Variants in SLC10A7 observed in about 807,000 individuals in gnomAD.
SLC10A7 encodes solute carrier family 10 member 7, also known as sodium/bile acid cotransporter 7.
SLC10A7 carries 29 observed loss-of-function variants against 43.2 expected under a neutral mutation model. That is an observed-to-expected ratio of 0.67 (90% CI 0.50 to 0.92). SLC10A7 has a LOEUF of 0.92. Ranked by LOEUF, SLC10A7 falls within the 40% of genes least tolerant of loss-of-function variation. The pLI is 0.00. For synonymous variants in SLC10A7, 152 were observed against 144.8 expected, an observed-to-expected ratio of 1.05 and a Z score of -0.35; for missense variants, 295 against 403.2, an observed-to-expected ratio of 0.73 and a Z score of 2.30.
intron 4 of SLC10A7, among the ~76,000 whole-genome samples, chr4:146,463,634 G>C (rs1045871438): frequency 6.6e-6 from 1 of 151,862 alleles, no homozygotes; most frequent in African/African-American, 2.4e-5. Flanking sequence ...CCAGCTACTT[G>C]GGAGGCTGAG....
intron 4 of SLC10A7, among the ~76,000 whole-genome samples, chr4:146,475,314 T>C (rs1733928724): frequency 6.6e-6 from 1 of 152,176 alleles, no homozygotes; most frequent in South Asian, 2.1e-4. Context: ...CATTTTGTAT[T>C]TAATCATGTA....
chr4:146,268,940 GA>G (rs1728732103), intron 10 of SLC10A7, among the ~76,000 whole-genome samples: 2 of 152,164 alleles, frequency 1.3e-5, no homozygotes, highest in South Asian at 2.1e-4. Flanking sequence ...CCGTTACACA[GA>G]AAAGTCTGAA....
At chr4:146,472,817 G>C (rs2149967695) in intron 4 of SLC10A7, among the ~76,000 whole-genome samples, 1 of 152,232 alleles carries the variant, frequency 6.6e-6, no homozygotes. Flanking sequence ...TTTATGATTT[G>C]AATCTACATT....
intron 5 of SLC10A7, 101 bp downstream of exon 5, chr4:146,442,682 C>T (rs1300959089): frequency 6.5e-7 from 1 of 1,535,476 alleles, no homozygotes; most frequent in Non-Finnish European, 8.7e-7. Context: ...AATTTTTATA[C>T]TTAACCAAAG....
At chr4:146,380,923 T>A (rs2149791292) in intron 5 of SLC10A7, among the ~76,000 whole-genome samples, 1 of 152,306 alleles carries the variant, frequency 6.6e-6, no homozygotes. Context: ...CCTAAGCATT[T>A]ATTATAAATT....
chr4:146,349,534 G>T (rs1290429799), intron 5 of SLC10A7, among the ~76,000 whole-genome samples: 1 of 152,102 alleles, frequency 6.6e-6, no homozygotes, highest in South Asian at 2.1e-4. Flanking sequence ...AAAATAAATT[G>T]TTCTACTAAG....
At chr4:146,503,779 A>T (rs1736637126) in intron 4 of SLC10A7, 70 bp downstream of exon 4, 1 of 1,449,856 alleles carries the variant, frequency 6.9e-7, no homozygotes, top group Non-Finnish European at 9.6e-7. Context: ...CATGTCCAAA[A>T]ATGTGATATA....
At chr4:146,377,838 C>A (rs1413183164) in intron 5 of SLC10A7, among the ~76,000 whole-genome samples, 1 of 152,102 alleles carries the variant, frequency 6.6e-6, no homozygotes, top group Non-Finnish European at 1.5e-5. Context: ...GTGAAATGAA[C>A]ATCTTTTGAA....
chr4:146,300,929 C>G (rs970487950), intron 7 of SLC10A7, among the ~76,000 whole-genome samples: 1 of 152,106 alleles, frequency 6.6e-6, no homozygotes, highest in Non-Finnish European at 1.5e-5. Flanking sequence ...AAGATAAATT[C>G]AAAATTCTCT....
intron 5 of SLC10A7, among the ~76,000 whole-genome samples, chr4:146,413,482 C>T (rs1728344254): frequency 6.6e-6 from 1 of 152,112 alleles, no homozygotes; most frequent in South Asian, 2.1e-4. Flanking sequence ...TTTGTTGTCT[C>T]CTTTCCTGCT....
At chr4:146,266,033 G>C (rs1728531724) in intron 10 of SLC10A7, among the ~76,000 whole-genome samples, 3 of 152,182 alleles carry the variant, frequency 2.0e-5, no homozygotes, top group Admixed American at 1.3e-4. Flanking sequence ...TCATTCGCCT[G>C]AATTTACATG....
At chr4:146,404,023 C>G (rs980818123) in intron 5 of SLC10A7, among the ~76,000 whole-genome samples, 1 of 151,472 alleles carries the variant, frequency 6.6e-6, no homozygotes, top group African/African-American at 2.4e-5. Flanking sequence ...CACCTACCAA[C>G]AGTGTGCTTT....
intron 4 of SLC10A7, among the ~76,000 whole-genome samples, chr4:146,487,949 C>CT (rs1377218422): frequency 2.0e-5 from 3 of 151,418 alleles, no homozygotes; most frequent in Non-Finnish European, 4.4e-5. Flanking sequence ...GTCCCAGCTG[C>CT]TGGGAGGTAG....
intron 5 of SLC10A7, among the ~76,000 whole-genome samples, chr4:146,371,600 A>G (rs1222620967): frequency 6.6e-6 from 1 of 152,210 alleles, no homozygotes; most frequent in Non-Finnish European, 1.5e-5. Context: ...GGCTAAGGAC[A>G]TAATTTCAGA....
intron 4 of SLC10A7, among the ~76,000 whole-genome samples, chr4:146,446,531 G>A (rs1731095374): frequency 6.7e-6 from 1 of 149,232 alleles, no homozygotes; most frequent in African/African-American, 2.5e-5. Context: ...AGTCGAGATT[G>A]TACCACTGCA....
chr4:146,406,181 CCTTT>C (rs1727673069), intron 5 of SLC10A7, among the ~76,000 whole-genome samples: 2 of 152,144 alleles, frequency 1.3e-5, no homozygotes, highest in African/African-American at 4.8e-5. Context: ...AAAGCTACAG[CCTTT>C]CTTTCTAAAA....
chr4:146,287,398 G>A (rs759421857), intron 9 of SLC10A7, among the ~76,000 whole-genome samples: 1 of 152,202 alleles, frequency 6.6e-6, no homozygotes, highest in Non-Finnish European at 1.5e-5. Context: ...GTTATCTGGA[G>A]CAGGGCATTT....
intron 9 of SLC10A7, among the ~76,000 whole-genome samples, chr4:146,289,873 G>A (rs561244371): frequency 5.7e-4 from 86 of 150,218 alleles, no homozygotes; most frequent in African/African-American, 1.9e-3. Context: ...ACGCCACCAC[G>A]CTGGGCTAAT....
At chr4:146,409,449 G>A (rs1727990351) in intron 5 of SLC10A7, among the ~76,000 whole-genome samples, 1 of 151,952 alleles carries the variant, frequency 6.6e-6, no homozygotes, top group Admixed American at 6.6e-5. Flanking sequence ...ATCAGTGGTT[G>A]CCAAGGGCTG....
Sources: allele counts gnomAD v4.1 joint callset (sites outside exome capture counted in the v4.1 genomes callset), GRCh38; gene constraint gnomAD v4.1.1; transcripts MANE v1.5; gene names NCBI Gene and HGNC (gene_info 2026-07-23, HGNC 2026-07-21).